The following IL1RAPL2 variants were observed in gnomAD, a reference collection of about 807,000 sequenced individuals.
IL1RAPL2 encodes X-linked interleukin-1 receptor accessory protein-like 2.
In IL1RAPL2, 3 loss-of-function variants were observed where a neutral mutation model predicts 44.1. The ratio of observed to expected loss-of-function variants is 0.07; its 90% confidence interval spans 0.03 to 0.18. The LOEUF (loss-of-function observed/expected upper bound fraction) is 0.18. Ranked by LOEUF, IL1RAPL2 falls within the 10% of genes least tolerant of loss-of-function variation. The pLI, the probability that IL1RAPL2 is intolerant of heterozygous loss-of-function variation, is 1.00. For synonymous variants in IL1RAPL2, 181 were observed against 178.8 expected (o/e 1.01, Z -0.10); for missense variants, 391 against 496.4 (o/e 0.79, Z 2.02).
chrX:105,356,849 A>G (rs756707224), intron 5 of IL1RAPL2, among the ~76,000 whole-genome samples: 1 of 112,325 alleles, frequency 8.9e-6, no homozygotes, highest in African/African-American at 3.2e-5. Context: ...TTATGATGCT[A>G]TATCAAACTC....
intron 1 of IL1RAPL2, 36 bp downstream of exon 1, chrX:104,567,087 C>T (rs1320205177): frequency 1.8e-5 from 2 of 113,117 alleles, no homozygotes; most frequent in Non-Finnish European, 3.7e-5. Flanking sequence ...AGTTGACTGG[C>T]AAGGGCCAGG....
intron 6 of IL1RAPL2, among the ~76,000 whole-genome samples, chrX:105,651,741 C>T (rs1602503246): frequency 9.0e-6 from 1 of 111,451 alleles, no homozygotes; most frequent in East Asian, 2.8e-4. Context: ...TTCTATTTTC[C>T]AATACTGTAT....
chrX:105,219,382 T>G (rs2033914016), intron 3 of IL1RAPL2: 9 of 1,210,663 alleles, frequency 7.4e-6, no homozygotes, highest in Non-Finnish European at 8.9e-6. Context: ...TGTGGCTGTT[T>G]CGACCGACCG....
intron 2 of IL1RAPL2, among the ~76,000 whole-genome samples, chrX:105,023,953 A>G (rs781486807): frequency 9.0e-6 from 1 of 111,051 alleles, no homozygotes; most frequent in Admixed American, 9.6e-5. Context: ...TTCCATTTCA[A>G]TTATCTTTAT....
intron 5 of IL1RAPL2, among the ~76,000 whole-genome samples, chrX:105,390,963 T>C (rs2035517354): frequency 8.9e-6 from 1 of 111,743 alleles, no homozygotes; most frequent in Admixed American, 9.6e-5. Context: ...ATCACAGATC[T>C]CACAATGATG....
intron 2 of IL1RAPL2, among the ~76,000 whole-genome samples, chrX:105,092,602 A>C (rs1394488519): frequency 9.0e-6 from 1 of 111,639 alleles, no homozygotes; most frequent in Admixed American, 9.5e-5. Flanking sequence ...GTTTCTGGGT[A>C]GACTGATACC....
rs1569309726 is a variant in IL1RAPL2 at position 104,761,849 on chromosome X, CTCCTTCTCCTTCTCCTT to C, written c.82+102855_82+102871del. ...TCTCCTTCTTCTCCTTCTCCTTCTT[CTCCTTCTCCTTCTCCTT>C]CTCCTTCTCCTTCTCCTTCTCCTTC... is the stretch of plus-strand genomic sequence containing the variant. On this transcript the variant is annotated intron_variant, in intron 2 of 10. Coordinates refer to ENST00000372582, the MANE Select transcript of IL1RAPL2 (RefSeq NM_017416.2). Among the ~76,000 whole-genome samples the C allele has an allele frequency of 7.1e-5, 3 of 42,431 alleles. No individual in the cohort carries two copies. In the East Asian group the frequency reaches 2.6e-3, roughly 37 times the overall value. 36.8% of individuals were successfully genotyped at this position (42,431 alleles called of 115,157 possible). A position where few individuals can be genotyped will look rare whatever the true frequency, so the allele number is the denominator to read the frequency against.
intron 2 of IL1RAPL2, among the ~76,000 whole-genome samples, chrX:104,675,867 C>G (rs1470591793): frequency 9.3e-6 from 1 of 107,869 alleles, no homozygotes; most frequent in East Asian, 2.9e-4. Context: ...CCTTCTTTGT[C>G]TCTTTCGATC....
At chrX:104,764,105 T>C (rs1932512706) in intron 2 of IL1RAPL2, among the ~76,000 whole-genome samples, 1 of 111,285 alleles carries the variant, frequency 9.0e-6, no homozygotes, top group South Asian at 3.8e-4. Flanking sequence ...AGAATGTCAT[T>C]GGTATTTTGA....
intron 2 of IL1RAPL2, among the ~76,000 whole-genome samples, chrX:105,180,775 A>G (rs1456324601): frequency 1.8e-5 from 2 of 111,791 alleles, no homozygotes; most frequent in African/African-American, 6.5e-5. Context: ...GTCTATGTTC[A>G]TCAGATATAT....
chrX:105,419,249 A>C (rs1347747886), intron 5 of IL1RAPL2, among the ~76,000 whole-genome samples: 2 of 111,997 alleles, frequency 1.8e-5, no homozygotes, highest in African/African-American at 6.5e-5. Flanking sequence ...TTTGGCATGT[A>C]TTATCAATCC....
intron 5 of IL1RAPL2, among the ~76,000 whole-genome samples, chrX:105,454,069 C>A (rs1242640927): frequency 9.0e-6 from 1 of 111,240 alleles, no homozygotes; most frequent in African/African-American, 3.3e-5. Flanking sequence ...GCATACGAAG[C>A]AAAGCACCCA....
chrX:104,754,355 A>G (rs1932309758), intron 2 of IL1RAPL2, among the ~76,000 whole-genome samples: 1 of 112,055 alleles, frequency 8.9e-6, no homozygotes, highest in African/African-American at 3.2e-5. Flanking sequence ...TTAAATGAAA[A>G]TGTGGCTACT....
chrX:105,250,533 A>T (rs2034260405), intron 4 of IL1RAPL2, among the ~76,000 whole-genome samples: 1 of 110,744 alleles, frequency 9.0e-6, no homozygotes, highest in African/African-American at 3.3e-5. Context: ...TTTTTCTATA[A>T]ACCTAAAACT....
chrX:105,040,187 C>T (rs866381622), intron 2 of IL1RAPL2, among the ~76,000 whole-genome samples: 2 of 111,164 alleles, frequency 1.8e-5, no homozygotes, highest in South Asian at 3.8e-4. Flanking sequence ...TTATATTTAT[C>T]GATTTGCGTA....
chrX:104,822,747 T>C (rs1921336721), intron 2 of IL1RAPL2, among the ~76,000 whole-genome samples: 1 of 112,269 alleles, frequency 8.9e-6, no homozygotes, highest in East Asian at 2.8e-4. Context: ...GGGATCTTTT[T>C]TGGTTCCATG....
chrX:105,037,994 T>G (rs1242335046), intron 2 of IL1RAPL2, among the ~76,000 whole-genome samples: 1 of 111,842 alleles, frequency 8.9e-6, no homozygotes, highest in Non-Finnish European at 1.9e-5. Flanking sequence ...GTTAAGAGCA[T>G]GGTGAAAAGA....
rs925717496 is a variant in IL1RAPL2 at position 104,685,210 on chromosome X, C to A, written c.82+26215C>A. Among the ~76,000 whole-genome samples the A allele has an allele frequency of 3.6e-5, 4 of 111,983 alleles. No individual in the cohort carries two copies. In the South Asian group the frequency reaches 1.5e-3, roughly 42 times the overall value. ...TTCTCTTAACTGACAGAAACAGTAA[C>A]CTTGAAAGTCCACTCAGGCATTACC... On this transcript the variant is annotated intron_variant, in intron 2 of 10. Transcript: ENST00000372582.
intron 6 of IL1RAPL2, among the ~76,000 whole-genome samples, chrX:105,547,552 T>C (rs747902242): frequency 9.8e-5 from 11 of 112,184 alleles, no homozygotes; most frequent in Non-Finnish European, 1.5e-4. Flanking sequence ...TAGGCAGTTC[T>C]TCTGGATTCA....
Sources: gnomAD v4.1 joint callset for allele counts (sites outside exome capture counted in the v4.1 genomes callset) on GRCh38, gnomAD v4.1.1 for gene constraint, MANE v1.5 for transcripts, NCBI Gene and HGNC (gene_info 2026-07-23, HGNC 2026-07-21) for gene names.